Variants in CSMD1 observed in about 807,000 individuals in gnomAD.
The protein encoded by CSMD1 is CUB and Sushi multiple domains 1.
In CSMD1, 213 loss-of-function variants were observed where a neutral mutation model predicts 417.5. That is an observed-to-expected ratio of 0.51 (90% confidence interval 0.46 to 0.57). The LOEUF (loss-of-function observed/expected upper bound fraction) is 0.57. Among genes scored for constraint, CSMD1 ranks in the 20% least tolerant of loss-of-function variants. The pLI, the probability that CSMD1 is intolerant of heterozygous loss-of-function variation, is 0.00. For synonymous variants in CSMD1, 2,862 were observed against 1,736.8 expected, an observed-to-expected ratio of 1.65 and a Z score of -16.11; for missense variants, 6,923 against 4,529.7, an observed-to-expected ratio of 1.53 and a Z score of -15.17.
chr8:4,056,756 A>T (rs570956404), intron 3 of CSMD1, among the ~76,000 whole-genome samples: 1 of 151,830 alleles, frequency 6.6e-6, no homozygotes, highest in South Asian at 2.1e-4. Flanking sequence ...TCATTGTTCA[A>T]TTCCCACCTA....
At chr8:3,598,744 TC>T (rs763840616) in intron 8 of CSMD1, among the ~76,000 whole-genome samples, 1 of 151,924 alleles carries the variant, frequency 6.6e-6, no homozygotes, top group East Asian at 1.9e-4. Context: ...ATTTGTAATT[TC>T]CCCCCGCCCC....
At chr8:3,890,427 G>T (rs958917898) in intron 5 of CSMD1, among the ~76,000 whole-genome samples, 3 of 151,972 alleles carry the variant, frequency 2.0e-5, no homozygotes, top group Non-Finnish European at 4.4e-5. Context: ...ACCTGAACAA[G>T]CTCGCAGTGT....
At chr8:2,963,685 G>A (rs1039040145) in intron 59 of CSMD1, among the ~76,000 whole-genome samples, 7 of 152,148 alleles carry the variant, frequency 4.6e-5, no homozygotes, top group Non-Finnish European at 5.9e-5. Flanking sequence ...AGGAAGAAAC[G>A]TTCTTGCTTA....
At chr8:4,974,891 A>G (rs534930236) in intron 1 of CSMD1, among the ~76,000 whole-genome samples, 8 of 152,346 alleles carry the variant, frequency 5.3e-5, no homozygotes, top group African/African-American at 1.9e-4. Context: ...TCACACAAAA[A>G]AACTATGATG....
At chr8:4,324,926 T>C (rs548936775) in intron 3 of CSMD1, among the ~76,000 whole-genome samples, 87 of 152,260 alleles carry the variant, frequency 5.7e-4, no homozygotes, top group African/African-American at 1.9e-3. Context: ...GTATGGGGCC[T>C]CTTCACGGGA....
At chr8:3,062,261 A>T (rs1283291143) in intron 49 of CSMD1, among the ~76,000 whole-genome samples, 1 of 152,110 alleles carries the variant, frequency 6.6e-6, no homozygotes, top group African/African-American at 2.4e-5. Flanking sequence ...CCAATATACC[A>T]TTAATACCAT....
chr8:3,213,043 T>A (rs569387122), intron 30 of CSMD1, among the ~76,000 whole-genome samples: 1 of 151,958 alleles, frequency 6.6e-6, no homozygotes, highest in Admixed American at 6.6e-5. Context: ...TTAGCCATGG[T>A]CTCGAACTCC....
At chr8:4,464,070 T>C (rs1306715756) in intron 2 of CSMD1, among the ~76,000 whole-genome samples, 4 of 152,160 alleles carry the variant, frequency 2.6e-5, no homozygotes, top group African/African-American at 7.2e-5. Context: ...GTAAGAAGAC[T>C]GAAAGAAACA....
chr8:4,398,722 A>C (rs542422162), intron 3 of CSMD1, among the ~76,000 whole-genome samples: 1 of 152,154 alleles, frequency 6.6e-6, no homozygotes. Flanking sequence ...TACAGCTTTC[A>C]AACAAATGCT....
intron 5 of CSMD1, among the ~76,000 whole-genome samples, chr8:3,884,707 G>C (rs548317690): frequency 3.9e-5 from 6 of 152,130 alleles, no homozygotes; most frequent in South Asian, 2.1e-4. Context: ...ACTCAACTGA[G>C]AAAATGTCCA....
chr8:3,777,422 C>T (rs538251186), intron 5 of CSMD1, among the ~76,000 whole-genome samples: 74 of 152,254 alleles, frequency 4.9e-4, no homozygotes, highest in Admixed American at 7.2e-4. Context: ...CCTGGGGCAT[C>T]CTGTCAGGCC....
At chr8:4,104,441 C>T (rs1178142811) in intron 3 of CSMD1, among the ~76,000 whole-genome samples, 2 of 151,782 alleles carry the variant, frequency 1.3e-5, no homozygotes, top group Non-Finnish European at 2.9e-5. Context: ...CACGCATGCA[C>T]ACACACACAC....
chr8:3,929,945 A>G (rs917074050), intron 5 of CSMD1, among the ~76,000 whole-genome samples: 7 of 150,474 alleles, frequency 4.7e-5, no homozygotes, highest in Admixed American at 4.6e-4. Flanking sequence ...TACAGGCCTC[A>G]TGTGAGACAC....
chr8:4,531,038 T>A lies in CSMD1; in HGVS notation c.302+106304A>T, dbSNP rs1796792881. On this transcript the variant is annotated intron_variant, in intron 2 of 69. Transcript: ENST00000635120. Reference sequence around the variant, plus strand: ...ATCCTCTCTGCCGCTCTCTGTTGGATTACGTTGATTGTATGATACTCTATC... The same window carrying A: ...ATCCTCTCTGCCGCTCTCTGTTGGAATACGTTGATTGTATGATACTCTATC... Among the ~76,000 whole-genome samples the A allele has an allele frequency of 2.0e-5, 3 of 152,228 alleles. No homozygotes were observed. The South Asian group carries it at 6.2e-4, about 32-fold the overall frequency.
At chr8:4,380,169 A>G (rs1340259117) in intron 3 of CSMD1, among the ~76,000 whole-genome samples, 2 of 152,204 alleles carry the variant, frequency 1.3e-5, no homozygotes, top group Non-Finnish European at 2.9e-5. Flanking sequence ...GGTGGCATGT[A>G]ACTCCCTTAG....
At chr8:4,401,656 C>G (rs1804652409) in intron 3 of CSMD1, among the ~76,000 whole-genome samples, 1 of 152,156 alleles carries the variant, frequency 6.6e-6, no homozygotes, top group Non-Finnish European at 1.5e-5. Flanking sequence ...CCCTCCATCT[C>G]ATTTTATTCT....
At chr8:3,996,007 C>T (rs1002527314) in intron 5 of CSMD1, among the ~76,000 whole-genome samples, 2 of 152,180 alleles carry the variant, frequency 1.3e-5, no homozygotes, top group Non-Finnish European at 2.9e-5. Flanking sequence ...TGCTGATACT[C>T]TCTATGACAA....
chr8:3,745,725 T>C (rs1411601867), intron 6 of CSMD1, among the ~76,000 whole-genome samples: 2 of 152,218 alleles, frequency 1.3e-5, no homozygotes, highest in African/African-American at 2.4e-5. Context: ...GTAGATTCCT[T>C]ATTTCATTAA....
rs1807343968 is a variant in CSMD1, at chr8:3,896,121, G to T, written c.818+101782C>A. On this transcript the variant is annotated intron_variant, in intron 5 of 69. Coordinates refer to ENST00000635120, the MANE Select transcript of CSMD1 (RefSeq NM_033225.6). ...ACTTCCTGATGGGCCCATTCTTGGG[G>T]CTTGAGTAACAAGCCCAATTTGATT... Among the ~76,000 whole-genome samples, 3 of 152,228 alleles carry T rather than the reference G, an allele frequency of 2.0e-5. No homozygotes were observed. In the East Asian group the frequency reaches 5.8e-4, roughly 29 times the overall value.
Sources: gnomAD v4.1 joint callset for allele counts (sites outside exome capture counted in the v4.1 genomes callset) on GRCh38, gnomAD v4.1.1 for gene constraint, MANE v1.5 for transcripts, NCBI Gene and HGNC (gene_info 2026-07-23, HGNC 2026-07-21) for gene names.